Variants in RARB observed in about 807,000 individuals in gnomAD.
The protein encoded by RARB is retinoic acid receptor beta, also known as HBV-activated protein.
In RARB, 17 loss-of-function variants were observed where a neutral mutation model predicts 51.9. The observed-to-expected ratio is 0.33, with a 90% confidence interval of 0.22 to 0.49. The LOEUF (loss-of-function observed/expected upper bound fraction) is 0.49. Among genes scored for constraint, RARB ranks in the 20% least tolerant of loss-of-function variants. The pLI, the probability that RARB is intolerant of heterozygous loss-of-function variation, is 0.99. For synonymous variants in RARB, 215 were observed against 195.4 expected (o/e 1.10, Z -0.84); for missense variants, 369 against 550.8 (o/e 0.67, Z 3.30).
chr3:25,390,599 A>T (rs2363598), intron 5 of RARB, among the ~76,000 whole-genome samples: 7 of 152,142 alleles, frequency 4.6e-5, no homozygotes, highest in African/African-American at 1.7e-4. Context: ...AAAAAATAAT[A>T]GTACAGGTTT....
chr3:24,987,378 G>A (rs537446468), intron 2 of RARB, among the ~76,000 whole-genome samples: 29 of 152,284 alleles, frequency 1.9e-4, no homozygotes, highest in African/African-American at 6.0e-4. Context: ...TAAAAAGAGA[G>A]CAGCAAAGAA....
intron 3 of RARB, among the ~76,000 whole-genome samples, chr3:25,111,388 T>G (rs1014169651): frequency 6.6e-6 from 1 of 152,164 alleles, no homozygotes; most frequent in Non-Finnish European, 1.5e-5. Context: ...CTAGGAACAC[T>G]GTTACCACCT....
intron 5 of RARB, among the ~76,000 whole-genome samples, chr3:25,274,134 A>G (rs1703321793): frequency 6.6e-6 from 1 of 152,224 alleles, no homozygotes; most frequent in Non-Finnish European, 1.5e-5. Flanking sequence ...GAAAAAGTAA[A>G]AAGAAACCAG....
intron 2 of RARB, among the ~76,000 whole-genome samples, chr3:25,488,366 T>C (rs1696567172): frequency 1.3e-5 from 2 of 152,210 alleles, no homozygotes. Context: ...CCAAATTTCA[T>C]CCACAGGCTG....
chr3:25,579,875 G>A (rs1158352775), intron 4 of RARB, among the ~76,000 whole-genome samples: 1 of 152,276 alleles, frequency 6.6e-6, no homozygotes, highest in East Asian at 1.9e-4. Flanking sequence ...TTTCCATCAG[G>A]ACATCAGCAT....
At chr3:25,540,313 A>G (rs1699323198) in intron 3 of RARB, among the ~76,000 whole-genome samples, 1 of 152,190 alleles carries the variant, frequency 6.6e-6, no homozygotes, top group Non-Finnish European at 1.5e-5. Context: ...AAAGCGGTTT[A>G]GGCTTTTTAA....
chr3:25,179,432 G>A (rs1700819622), intron 5 of RARB, among the ~76,000 whole-genome samples: 1 of 152,064 alleles, frequency 6.6e-6, no homozygotes, highest in African/African-American at 2.4e-5. Flanking sequence ...TGACTCTACT[G>A]GACAGGAATC....
Position 24,997,268 on chromosome 3 carries a change from T to C in RARB, c.-379-62857T>C, listed in dbSNP as rs190144242. 1.8e-3 allele frequency among the ~76,000 whole-genome samples: 275 copies of C among 152,278 alleles called. 1 individual carries two copies. The highest frequency in any genetic ancestry group is 6.4e-3 in the African/African-American group (266 of 41,564). The stretch of plus-strand genomic sequence containing the variant: ...CTTGAAATCTGTTTTGCCTGATAAG[T>C]ATAGCTATTTCTAGTCCATTTTGGT... On this transcript the variant is annotated intron_variant, in intron 2 of 11. Transcript: ENST00000383772.
chr3:25,154,070 A>G (rs1228755565), intron 4 of RARB, among the ~76,000 whole-genome samples: 2 of 152,150 alleles, frequency 1.3e-5, no homozygotes, highest in Non-Finnish European at 2.9e-5. Flanking sequence ...GCTCATTCCA[A>G]ATCACTCTCT....
chr3:25,060,386 A>T (rs1463994541), intron 3 of RARB, among the ~76,000 whole-genome samples: 1 of 151,808 alleles, frequency 6.6e-6, no homozygotes, highest in East Asian at 1.9e-4. Context: ...TTTTGTAGAG[A>T]TAGAATGTCT....
At chr3:24,953,257 G>T in intron 2 of RARB, among the ~76,000 whole-genome samples, 1 of 152,138 alleles carries the variant, frequency 6.6e-6, no homozygotes. Flanking sequence ...ATCCTTGGAA[G>T]TTTGCCAGCA....
At chr3:25,271,200 G>C (rs1300498913) in intron 5 of RARB, among the ~76,000 whole-genome samples, 1 of 152,118 alleles carries the variant, frequency 6.6e-6, no homozygotes, top group Non-Finnish European at 1.5e-5. Flanking sequence ...ATTTTTATTA[G>C]TATAAATCAA....
chr3:25,231,814 G>A (rs762967648), intron 5 of RARB, among the ~76,000 whole-genome samples: 61 of 152,046 alleles, frequency 4.0e-4, no homozygotes, highest in Non-Finnish European at 7.8e-4. Flanking sequence ...GCTTATATGG[G>A]TTTTTCAGAG....
intron 2 of RARB, among the ~76,000 whole-genome samples, chr3:25,492,419 A>G (rs1696786166): frequency 6.6e-6 from 1 of 152,244 alleles, no homozygotes; most frequent in Non-Finnish European, 1.5e-5. Context: ...TGAACTGAAT[A>G]CATTGGCTTC....
At chr3:25,275,222 G>A (rs1321942139) in intron 5 of RARB, among the ~76,000 whole-genome samples, 1 of 152,136 alleles carries the variant, frequency 6.6e-6, no homozygotes, top group African/African-American at 2.4e-5. Flanking sequence ...AACACTTTGG[G>A]AGGTCAAGGC....
chr3:25,149,187 A>C (rs1266541636), intron 4 of RARB, among the ~76,000 whole-genome samples: 2 of 152,186 alleles, frequency 1.3e-5, no homozygotes, highest in South Asian at 4.1e-4. Context: ...GGAATGATTT[A>C]GCCTACAGAA....
At chr3:24,966,099 T>C (rs9838340) in intron 2 of RARB, among the ~76,000 whole-genome samples, 71,143 of 145,516 alleles carry the variant, frequency 0.49, 17,079 homozygotes, top group Admixed American at 0.6. Flanking sequence ...ATCTTTGAAT[T>C]TTTTTTTTTT....
At chr3:25,538,892 G>A (rs1699250045) in intron 3 of RARB, among the ~76,000 whole-genome samples, 1 of 152,206 alleles carries the variant, frequency 6.6e-6, no homozygotes, top group South Asian at 2.1e-4. Flanking sequence ...GGTAAAAGCA[G>A]TTGATGTCAC....
intron 5 of RARB, among the ~76,000 whole-genome samples, chr3:25,334,326 C>T (rs1344196082): frequency 1.3e-5 from 2 of 152,166 alleles, no homozygotes; most frequent in Non-Finnish European, 2.9e-5. Context: ...GGCACATATA[C>T]ACCATGGAAT....
Sources: allele counts gnomAD v4.1 joint callset (sites outside exome capture counted in the v4.1 genomes callset), GRCh38; gene constraint gnomAD v4.1.1; transcripts MANE v1.5; gene names NCBI Gene and HGNC (gene_info 2026-07-23, HGNC 2026-07-21).